TANC1: variants seen among roughly 807,000 people sequenced by gnomAD.
The protein encoded by TANC1 is protein TANC1.
In TANC1, 77 loss-of-function variants were observed where a neutral mutation model predicts 149.7. The observed-to-expected ratio is 0.51, with a 90% CI of 0.43 to 0.62. TANC1 has a LOEUF of 0.62. Ranked by LOEUF, TANC1 falls within the 20% of genes least tolerant of loss-of-function variation. The pLI is 0.00. For missense variants in TANC1, 1,985 were observed against 2,321.8 expected (o/e 0.85, Z 2.98); for synonymous variants, 854 against 925.0 (o/e 0.92, Z 1.39).
chr2:159,172,439 C>T (rs1428105058), intron 11 of TANC1, among the ~76,000 whole-genome samples, 167 bp downstream of exon 11: 1 of 152,194 alleles, frequency 6.6e-6, no homozygotes, highest in Non-Finnish European at 1.5e-5. Flanking sequence ...GTGTGAATGA[C>T]AGTAAGTATC....
At chr2:159,020,774 G>A (rs16843564) in intron 2 of TANC1, among the ~76,000 whole-genome samples, 6,572 of 152,072 alleles carry the variant, frequency 0.043, 289 homozygotes, top group East Asian at 0.16. Flanking sequence ...TCATACATCC[G>A]TTGTGTGGTA....
chr2:159,219,450 T>G (rs2059551643), intron 21 of TANC1, 89 bp downstream of exon 21: 1 of 1,567,962 alleles, frequency 6.4e-7, no homozygotes, highest in African/African-American at 1.4e-5. Flanking sequence ...ATTCAAATTC[T>G]AAGTTTTCTG....
At chr2:158,986,623 G>C (rs982390144) in intron 1 of TANC1, among the ~76,000 whole-genome samples, 1 of 152,164 alleles carries the variant, frequency 6.6e-6, no homozygotes, top group African/African-American at 2.4e-5. Context: ...TTGAGAGTGA[G>C]ACAGGTTCTC....
intron 2 of TANC1, among the ~76,000 whole-genome samples, chr2:159,043,012 C>T (rs1171375929): frequency 6.6e-6 from 1 of 152,178 alleles, no homozygotes; most frequent in Non-Finnish European, 1.5e-5. Context: ...CCGGATGCAT[C>T]TAGTACCTTG....
chr2:159,083,824 A>T (rs142085953), intron 3 of TANC1, among the ~76,000 whole-genome samples: 42 of 152,246 alleles, frequency 2.8e-4, no homozygotes, highest in African/African-American at 9.6e-4. Context: ...TGTTGCTAAG[A>T]TATTTTACGA....
At chr2:159,219,144 T>A in intron 20 of TANC1, 94 bp from the exon 21 acceptor site, 1 of 1,502,982 alleles carries the variant, frequency 6.7e-7, no homozygotes, top group Non-Finnish European at 9.2e-7. Context: ...AGAAAGTCAT[T>A]TGACTATTTT....
At chr2:159,140,009 G>A (rs1332201449) in intron 5 of TANC1, among the ~76,000 whole-genome samples, 2 of 152,026 alleles carry the variant, frequency 1.3e-5, no homozygotes, top group Non-Finnish European at 2.9e-5. Context: ...AATTGCTTGA[G>A]CCTAGGAGTT....
chr2:159,043,113 C>T (rs1183647323), intron 2 of TANC1, among the ~76,000 whole-genome samples: 1 of 152,116 alleles, frequency 6.6e-6, no homozygotes, highest in Non-Finnish European at 1.5e-5. Flanking sequence ...TTTTGCCAAT[C>T]CCCGGTCACT....
chr2:158,989,926 T>G (rs2035440040), intron 1 of TANC1, among the ~76,000 whole-genome samples: 1 of 151,974 alleles, frequency 6.6e-6, no homozygotes, highest in Admixed American at 6.6e-5. Flanking sequence ...GGATTTTTTT[T>G]TTTTTTGGAG....
chr2:159,042,610 C>G (rs996870901), intron 2 of TANC1, among the ~76,000 whole-genome samples: 3 of 152,048 alleles, frequency 2.0e-5, no homozygotes, highest in Non-Finnish European at 4.4e-5. Flanking sequence ...GCCAGTGCTG[C>G]AACTCAGAGG....
intron 8 of TANC1, among the ~76,000 whole-genome samples, chr2:159,165,980 A>C (rs2054565261): frequency 6.6e-6 from 1 of 152,198 alleles, no homozygotes; most frequent in Non-Finnish European, 1.5e-5. Flanking sequence ...ATTTTTTGAC[A>C]AAGATTATAA....
intron 4 of TANC1, among the ~76,000 whole-genome samples, chr2:159,134,657 A>AT (rs1213609168): frequency 1.3e-5 from 2 of 150,896 alleles, no homozygotes; most frequent in South Asian, 2.1e-4. Flanking sequence ...TAATTTTTGT[A>AT]TTTTTTTTAG....
At chr2:158,988,758 G>C (rs2035300163) in intron 1 of TANC1, among the ~76,000 whole-genome samples, 2 of 152,134 alleles carry the variant, frequency 1.3e-5, no homozygotes, top group Non-Finnish European at 2.9e-5. Flanking sequence ...GAGAGAGCAG[G>C]CATTCTTTCT....
rs190514634 is a variant in TANC1, at chr2:159,072,578, A to G, written c.61+6607A>G. ...TTGGCCTCTGCTAGATATCCAGTAC[A>G]TCTTTTCTTTCTTGAGAAAACTGTG... On this transcript the variant is annotated intron_variant, in intron 3 of 26. Coordinates refer to ENST00000263635, the MANE Select transcript of TANC1 (RefSeq NM_033394.3). Among the ~76,000 whole-genome samples the G allele has an allele frequency of 3.6e-3, 546 of 152,334 alleles. 6 individuals carry two copies. The highest frequency in any genetic ancestry group is 0.012 in the African/African-American group (503 of 41,568).
chr2:159,100,302 T>C (rs990723282), intron 4 of TANC1, among the ~76,000 whole-genome samples: 2 of 152,306 alleles, frequency 1.3e-5, no homozygotes, highest in Middle Eastern at 3.4e-3. Flanking sequence ...TGGGATTGAA[T>C]GGCATGGCAA....
chr2:159,224,994 A>G (rs73967249), intron 23 of TANC1: 4,084 of 157,372 alleles, frequency 0.026, 165 homozygotes, highest in African/African-American at 0.087. Flanking sequence ...ATTCACTAAT[A>G]CTGTCAAGCA....
chr2:159,185,940 C>G, intron 15 of TANC1, 41 bp downstream of exon 15: 1 of 1,470,242 alleles, frequency 6.8e-7, no homozygotes, highest in South Asian at 1.2e-5. Context: ...TCTTTGTTGT[C>G]ATTTTGAGGT....
chr2:159,088,796 G>A (rs758818967), intron 3 of TANC1, among the ~76,000 whole-genome samples: 4 of 150,750 alleles, frequency 2.7e-5, no homozygotes, highest in Non-Finnish European at 6.0e-5. Flanking sequence ...AGACACCCCC[G>A]GTATGGATTG....
chr2:159,172,687 G>A (rs941957848), intron 11 of TANC1, among the ~76,000 whole-genome samples: 4 of 152,214 alleles, frequency 2.6e-5, no homozygotes, highest in South Asian at 2.1e-4. Flanking sequence ...GAGGTTTCTC[G>A]TGAAGTTGTA....
Sources: gnomAD v4.1 joint callset for allele counts (sites outside exome capture counted in the v4.1 genomes callset) on GRCh38, gnomAD v4.1.1 for gene constraint, MANE v1.5 for transcripts, NCBI Gene and HGNC (gene_info 2026-07-23, HGNC 2026-07-21) for gene names.